INSR: variants seen among roughly 807,000 people sequenced by gnomAD.
The protein encoded by INSR is insulin receptor, also known as IR.
A neutral mutation model predicts 142.6 loss-of-function variants in INSR; 67 were observed. The observed-to-expected ratio is 0.47, with a 90% CI of 0.39 to 0.58. The LOEUF (loss-of-function observed/expected upper bound fraction) is 0.58, where lower values mean the gene tolerates loss of function less well. INSR is among the 20% of genes least tolerant of loss of function. The pLI, the probability that INSR is intolerant of heterozygous loss-of-function variation, is 0.00. For synonymous variants in INSR, 756 were observed against 743.1 expected (o/e 1.02, Z -0.28); for missense variants, 1,248 against 1,833.2 (o/e 0.68, Z 5.83).
At position 7,229,332 on chromosome 19, in the gene INSR, A is replaced by ATAGATGGATG. The variant is rs1568204425; in HGVS notation, c.652+38012_652+38013insCATCCATCTA. 7.3e-3 allele frequency among the ~76,000 whole-genome samples: 595 copies of ATAGATGGATG among 81,876 alleles called. 8 individuals are homozygous for ATAGATGGATG. The highest frequency in any genetic ancestry group is 0.018 in the African/African-American group (410 of 22,610). The allele number at this position is 81,876 out of a possible 152,430, so 53.7% of individuals were successfully genotyped here. ...TGGATGGATGGATGGATGGATGGATAGATGGATGGATGGATGGATGGATGG... is the reference window on the plus strand; with the variant it reads ...TGGATGGATGGATGGATGGATGGATATAGATGGATGGATGGATGGATGGATGGATGGATGG... On this transcript the variant is annotated intron_variant, in intron 2 of 21. Transcript: ENST00000302850.
chr19:7,223,400 G>A (rs969705125), intron 2 of INSR, among the ~76,000 whole-genome samples: 1 of 152,188 alleles, frequency 6.6e-6, no homozygotes, highest in Non-Finnish European at 1.5e-5. Flanking sequence ...AATTCAACTG[G>A]TGTCCAGGCT....
intron 13 of INSR, among the ~76,000 whole-genome samples, chr19:7,140,565 A>G (rs1182733411): frequency 1.3e-5 from 2 of 152,212 alleles, no homozygotes; most frequent in East Asian, 3.8e-4. Flanking sequence ...GGTTTTGTGC[A>G]GCAACTTAAA....
At chr19:7,202,988 G>GTTTTTTTT (rs1385976583) in intron 2 of INSR, among the ~76,000 whole-genome samples, 1 of 108,280 alleles carries the variant, frequency 9.2e-6, no homozygotes, top group African/African-American at 3.9e-5. Context: ...TTGGGGTGGG[G>GTTTTTTTT]TTTTGTTGTT....
intron 2 of INSR, among the ~76,000 whole-genome samples, chr19:7,198,614 G>A (rs1392166548): frequency 6.6e-6 from 1 of 152,010 alleles, no homozygotes; most frequent in African/African-American, 2.4e-5. Context: ...GCTCACTAGG[G>A]TCACACAGCA....
At chr19:7,241,547 G>A (rs570452564) in intron 2 of INSR, among the ~76,000 whole-genome samples, 63 of 152,004 alleles carry the variant, frequency 4.1e-4, no homozygotes, top group African/African-American at 1.1e-3. Flanking sequence ...ACTTGAACCC[G>A]GGAGGCAGAG....
intron 2 of INSR, among the ~76,000 whole-genome samples, chr19:7,246,501 A>G (rs531293342): frequency 1.3e-5 from 2 of 152,316 alleles, no homozygotes; most frequent in East Asian, 3.9e-4. Context: ...CAGACATGAG[A>G]GAGAAAAGAG....
chr19:7,210,064 G>A (rs968599016), intron 2 of INSR, among the ~76,000 whole-genome samples: 3 of 151,996 alleles, frequency 2.0e-5, no homozygotes, highest in African/African-American at 2.4e-5. Flanking sequence ...AACGCCAAGA[G>A]CCAGGCGCAG....
At chr19:7,194,676 T>G (rs1188231570) in intron 2 of INSR, among the ~76,000 whole-genome samples, 1 of 102,538 alleles carries the variant, frequency 9.8e-6, no homozygotes, top group Non-Finnish European at 1.9e-5. Flanking sequence ...CCACACCAAC[T>G]GATTTTTTTT....
intron 2 of INSR, among the ~76,000 whole-genome samples, chr19:7,240,706 G>A (rs980866715): frequency 3.3e-5 from 5 of 152,120 alleles, no homozygotes; most frequent in Admixed American, 6.6e-5. Flanking sequence ...TTTGAGCGCC[G>A]ACATGATAGC....
rs1214604929 is a variant in INSR at position 7,119,034 on chromosome 19, A to G, written c.3794+415T>C. ...CTATAGGTGTTTTGTGCAACCTTCC[A>G]AAGATACAATATGCAAGAAAATCAT... On this transcript the variant is annotated intron_variant, in intron 21 of 21. Transcript: ENST00000302850. This position sits in a 1 kb window ranked among gnomAD's most constrained non-coding sequence, Gnocchi z 5.2. Among the ~76,000 whole-genome samples, 1 of 152,134 alleles carries G rather than the reference A, an allele frequency of 6.6e-6. No individual in the cohort carries two copies. Among genetic ancestry groups the G allele is most frequent in the Admixed American group, 6.5e-5 (1 of 15,268 alleles).
intron 1 of INSR, among the ~76,000 whole-genome samples, chr19:7,289,654 C>T (rs183818740): frequency 6.6e-6 from 1 of 152,216 alleles, no homozygotes; most frequent in East Asian, 1.9e-4. Context: ...GATCCGCCCA[C>T]CTCAGCCTCC....
At position 7,114,576 on chromosome 19, in the gene INSR, T is replaced by C. The variant is rs1329665579; in HGVS notation, c.*2480A>G. On this transcript the variant is annotated 3_prime_UTR_variant, in exon 22 of 22. Transcript: ENST00000302850. Reference sequence around the variant, plus strand: ...GCATTCGAATCAGCTGATACACACGTTCCCTGATTCAGACCGGTTCCAGGT... The same window carrying C: ...GCATTCGAATCAGCTGATACACACGCTCCCTGATTCAGACCGGTTCCAGGT... 6.6e-6 allele frequency: 1 copy of C among 152,630 alleles called. No homozygotes were observed. Among genetic ancestry groups the C allele is most frequent in the Non-Finnish European group, 1.5e-5 (1 of 68,034 alleles). 9.5% of individuals were successfully genotyped at this position (152,630 alleles called of 1,614,324 possible). A position where few individuals can be genotyped will look rare whatever the true frequency, so the allele number is the denominator to read the frequency against.
intron 2 of INSR, among the ~76,000 whole-genome samples, chr19:7,212,026 G>A (rs894287550): frequency 6.6e-6 from 1 of 152,126 alleles, no homozygotes; most frequent in Non-Finnish European, 1.5e-5. Context: ...AGGACTGGTG[G>A]TATTCAGAGT....
At chr19:7,276,661 A>G (rs943365439) in intron 1 of INSR, among the ~76,000 whole-genome samples, 5 of 152,064 alleles carry the variant, frequency 3.3e-5, no homozygotes, top group African/African-American at 1.2e-4. Context: ...TCACCTGTCA[A>G]CTGTGTGATC....
intron 2 of INSR, among the ~76,000 whole-genome samples, chr19:7,210,082 C>T (rs1975228361): frequency 6.6e-6 from 1 of 151,952 alleles, no homozygotes. Context: ...CAGTGGCTCA[C>T]ACCCGTAATC....
intron 2 of INSR, among the ~76,000 whole-genome samples, chr19:7,248,398 A>G (rs1976599263): frequency 6.9e-6 from 1 of 144,910 alleles, no homozygotes; most frequent in African/African-American, 2.5e-5. Flanking sequence ...AGGTGGGAGG[A>G]TCACTTAAGC....
chr19:7,255,062 G>A (rs964461703), intron 2 of INSR, among the ~76,000 whole-genome samples: 2 of 142,682 alleles, frequency 1.4e-5, no homozygotes, highest in African/African-American at 5.1e-5. Flanking sequence ...GCCAGGCAAT[G>A]GTGGGAATTG....
chr19:7,168,225 C>G lies in INSR; in HGVS notation c.1484-131G>C. Reference sequence around the variant, plus strand: ...GACGCTGCTATTCCCTTAAGGGTCTCCTCCCCATGTGCCTGGCTGAGTATG... The same window carrying G: ...GACGCTGCTATTCCCTTAAGGGTCTGCTCCCCATGTGCCTGGCTGAGTATG... On this transcript the variant is annotated intron_variant, in intron 6 of 21. Coordinates refer to ENST00000302850, the MANE Select transcript of INSR (RefSeq NM_000208.4). The surrounding 1 kb of genome is among the most constrained non-coding windows in gnomAD (Gnocchi z 4.3). 2 of 921,738 alleles carry G rather than the reference C, an allele frequency of 2.2e-6. No homozygotes were observed. The highest frequency in any genetic ancestry group is 1.7e-6 in the Non-Finnish European group (1 of 584,408). 57.1% of individuals were successfully genotyped at this position (921,738 alleles called of 1,614,324 possible).
chr19:7,214,115 T>C (rs1438654619), intron 2 of INSR, among the ~76,000 whole-genome samples: 3 of 152,220 alleles, frequency 2.0e-5, no homozygotes. Flanking sequence ...AGGATGGCTA[T>C]GTGATGAAGG....
Sources: allele counts gnomAD v4.1 joint callset (sites outside exome capture counted in the v4.1 genomes callset), GRCh38; gene constraint gnomAD v4.1.1; non-coding constraint Gnocchi (gnomAD v3.1); transcripts MANE v1.5; gene names NCBI Gene and HGNC (gene_info 2026-07-23, HGNC 2026-07-21).